The following HAUS6 variants were observed in gnomAD, a reference collection of about 807,000 sequenced individuals.
HAUS6 encodes HAUS augmin-like complex subunit 6.
Under a neutral mutation model 106.8 loss-of-function variants are expected in HAUS6, and 80 were observed. That is an observed-to-expected ratio of 0.75 (90% CI 0.63 to 0.90). The LOEUF is 0.90. Among genes scored for constraint, HAUS6 ranks in the 40% least tolerant of loss-of-function variants. HAUS6 has a pLI of 0.00. For synonymous variants in HAUS6, 356 were observed against 379.1 expected (o/e 0.94, Z 0.71); for missense variants, 1,155 against 1,118.1 (o/e 1.03, Z -0.47).
At chr9:19,099,168 T>A (rs77397988) in intron 1 of HAUS6, among the ~76,000 whole-genome samples, 1 of 146,788 alleles carries the variant, frequency 6.8e-6, no homozygotes, top group Non-Finnish European at 1.5e-5. Context: ...TTTGTTTTTT[T>A]GTGTTTTTTT....
chr9:19,057,105 T>C (rs1836491507), intron 16 of HAUS6: 1 of 152,212 alleles, frequency 6.6e-6, no homozygotes, highest in Admixed American at 6.5e-5. Context: ...TAATTATTAA[T>C]ACTAACTGTT....
intron 12 of HAUS6, among the ~76,000 whole-genome samples, chr9:19,064,255 CCA>C (rs1296376353): frequency 6.6e-6 from 1 of 152,166 alleles, no homozygotes; most frequent in Non-Finnish European, 1.5e-5. Flanking sequence ...GTGTGAGCCA[CCA>C]CACCTGGCCC....
intron 11 of HAUS6, among the ~76,000 whole-genome samples, chr9:19,071,387 A>G (rs1836878805): frequency 6.6e-6 from 1 of 152,132 alleles, no homozygotes. Context: ...GAGTTTCAGA[A>G]GGAAAGGATC....
chr9:19,070,123 A>G, intron 12 of HAUS6, 96 bp downstream of exon 12: 1 of 717,732 alleles, frequency 1.4e-6, no homozygotes, highest in Non-Finnish European at 2.4e-6. Context: ...CAACAGACCC[A>G]GAAGTCCAGC....
intron 2 of HAUS6, among the ~76,000 whole-genome samples, chr9:19,095,313 T>G (rs78555739): frequency 0.035 from 5,321 of 152,224 alleles, 115 homozygotes; most frequent in Non-Finnish European, 0.051. Context: ...GCATAATTAT[T>G]TAAGGCCTCA....
At chr9:19,082,170 T>C (rs149195286) in intron 8 of HAUS6, among the ~76,000 whole-genome samples, 29 of 152,286 alleles carry the variant, frequency 1.9e-4, no homozygotes, top group South Asian at 1.9e-3. Flanking sequence ...GAGAACATTA[T>C]TTAATGTTGC....
rs199703543 is a variant in HAUS6, at chr9:19,057,963, T to A, written c.2804A>T (p.Lys935Met). The A allele has an allele frequency of 6.3e-7, 1 of 1,586,402 alleles. No homozygotes were observed. The highest frequency in any genetic ancestry group is 2.2e-5 in the East Asian group (1 of 44,738). ...ACSLGELPNL[K>M]EEDILNKSLD... is the part of the protein sequence containing the mutation. The stretch of plus-strand genomic sequence containing the variant: ...GCATAGGTCTATTTAAACCTTACCC[T>A]TTAAATTAGGTAGTTCTCCAAGACT... The change falls in exon 16 of 17, where the codon AAG (lysine) becomes ATG (methionine). Residue 935 changes from lysine to methionine, a missense_variant and splice_region_variant. This residue lies in a region of HAUS6 where 380 missense variants were observed against 394.8 expected (regional missense o/e 0.96). Transcript: ENST00000380502.
rs1484732284 is a variant in HAUS6 at position 19,053,509 on chromosome 9, T to G, written c.*2834A>C. On this transcript the variant is annotated 3_prime_UTR_variant, in exon 17 of 17. Transcript: ENST00000380502. ...ACTCATATTTTTGTTTTCAGCTCAATTTCCCCCAAATGTTAACTTCAGCTA... is the reference window on the plus strand; with the variant it reads ...ACTCATATTTTTGTTTTCAGCTCAAGTTCCCCCAAATGTTAACTTCAGCTA... 2 of 152,200 alleles carry G rather than the reference T, an allele frequency of 1.3e-5. No homozygotes were observed. The highest frequency in any genetic ancestry group is 2.9e-5 in the Non-Finnish European group (2 of 68,014). The allele number at this position is 152,200 out of a possible 1,614,324, so 9.4% of individuals were successfully genotyped here.
At chr9:19,095,149 T>A (rs1273540066) in intron 2 of HAUS6, among the ~76,000 whole-genome samples, 1 of 150,536 alleles carries the variant, frequency 6.6e-6, no homozygotes, top group African/African-American at 2.5e-5. Flanking sequence ...ATAATCCTTA[T>A]CATAACTGTG....
In HAUS6 at chr9:19,058,280, A is replaced by G. The variant is rs200177865; in HGVS notation, c.2487T>C (p.Asn829=). ...CGTATCTACTGCGAAGAGCCTGTAAATTAAAGTCTGATTCTGGAGTAGTCT... is the reference window on the plus strand; with the variant it reads ...CGTATCTACTGCGAAGAGCCTGTAAGTTAAAGTCTGATTCTGGAGTAGTCT... ...GRQTTPESDF[N]LQALRSRYEA... is the part of the protein sequence containing the mutation. Residue 829 remains asparagine, a synonymous_variant, in exon 16 of 17, where the codon AAT becomes AAC. Transcript: ENST00000380502. The G allele has an allele frequency of 5.7e-5, 92 of 1,613,850 alleles. No individual in the cohort carries two copies. The East Asian group carries it at 2.0e-3, about 36-fold the overall frequency.
At chr9:19,075,614 T>C (rs2131123941) in intron 11 of HAUS6, among the ~76,000 whole-genome samples, 1 of 152,148 alleles carries the variant, frequency 6.6e-6, no homozygotes, top group Non-Finnish European at 1.5e-5. Context: ...TTATATGACT[T>C]CATTTATATG....
intron 12 of HAUS6, among the ~76,000 whole-genome samples, chr9:19,069,121 A>C (rs1261680314): frequency 6.6e-6 from 1 of 152,214 alleles, no homozygotes; most frequent in Non-Finnish European, 1.5e-5. Flanking sequence ...TGTTAGATAC[A>C]TCCACAGCAC....
intron 9 of HAUS6, among the ~76,000 whole-genome samples, chr9:19,079,249 G>C (rs1837082141): frequency 1.4e-5 from 2 of 140,930 alleles, no homozygotes; most frequent in South Asian, 4.5e-4. Flanking sequence ...TTTTTATTGA[G>C]ATGGAGTCTC....
chr9:19,073,246 T>C (rs72696463), intron 11 of HAUS6, among the ~76,000 whole-genome samples: 5,281 of 152,232 alleles, frequency 0.035, 115 homozygotes, highest in Non-Finnish European at 0.051. Context: ...AATAAACAAG[T>C]ATTTATAATA....
chr9:19,060,824 C>T (rs1329113866), intron 14 of HAUS6, among the ~76,000 whole-genome samples: 3 of 152,166 alleles, frequency 2.0e-5, no homozygotes, highest in Non-Finnish European at 4.4e-5. Context: ...AAAAACTCTG[C>T]CCCCGACATC....
intron 12 of HAUS6, among the ~76,000 whole-genome samples, chr9:19,066,167 C>T (rs1836757055): frequency 6.6e-6 from 1 of 151,956 alleles, no homozygotes; most frequent in Admixed American, 6.6e-5. Flanking sequence ...AACTCCTGAC[C>T]TCAGGTGATC....
At chr9:19,065,806 A>G in intron 12 of HAUS6, among the ~76,000 whole-genome samples, 1 of 152,104 alleles carries the variant, frequency 6.6e-6, no homozygotes, top group Non-Finnish European at 1.5e-5. Flanking sequence ...GTGCCATTGC[A>G]CTCCAGCCTG....
At chr9:19,064,016 A>G (rs1588599044) in intron 12 of HAUS6, among the ~76,000 whole-genome samples, 1 of 147,584 alleles carries the variant, frequency 6.8e-6, no homozygotes. Context: ...TGCCCAGGCT[A>G]GAGTGCAATG....
At chr9:19,097,256 T>C (rs1176705783) in intron 1 of HAUS6, among the ~76,000 whole-genome samples, 1 of 152,164 alleles carries the variant, frequency 6.6e-6, no homozygotes, top group Non-Finnish European at 1.5e-5. Flanking sequence ...AAATGGGATC[T>C]AATTAAACTA....
Sources: gnomAD v4.1 joint callset for allele counts (sites outside exome capture counted in the v4.1 genomes callset) on GRCh38, gnomAD v4.1.1 for gene constraint, gnomAD v4.1.1 regional missense constraint, MANE v1.5 for transcripts, NCBI Gene and HGNC (gene_info 2026-07-23, HGNC 2026-07-21) for gene names.